NEDD8: variants seen among roughly 807,000 people sequenced by gnomAD.
NEDD8 encodes ubiquitin-like protein NEDD8.
In NEDD8, 1 loss-of-function variant was observed where a neutral mutation model predicts 13.8. The observed-to-expected ratio is 0.07, with a 90% confidence interval of 0.03 to 0.34. The LOEUF is 0.34. Among genes scored for constraint, NEDD8 ranks in the 10% least tolerant of loss-of-function variants. NEDD8 has a pLI of 0.99. For synonymous variants in NEDD8, 31 were observed against 33.2 expected (o/e 0.93, Z 0.23); for missense variants, 10 against 95.2 (o/e 0.10, Z 3.73).
chr14:24,217,943 A>G (rs373481213), intron 3 of NEDD8, 190 bp downstream of exon 3: 6 of 531,324 alleles, frequency 1.1e-5, no homozygotes, highest in Admixed American at 3.5e-5. Flanking sequence ...TTTTCCTTTA[A>G]TTCTATATAT....
At chr14:24,231,130 A>ATCGGCCTGCC (rs1594500144) in intron 1 of NEDD8, among the ~76,000 whole-genome samples, 1 of 151,832 alleles carries the variant, frequency 6.6e-6, no homozygotes, top group Non-Finnish European at 1.5e-5. Flanking sequence ...GGCTCAAGCG[A>ATCGGCCTGCC]TCGGCCTGCC....
intron 1 of NEDD8, 167 bp from the exon 2 acceptor site, chr14:24,218,598 C>G: frequency 1.1e-6 from 1 of 933,464 alleles, no homozygotes; most frequent in Non-Finnish European, 1.6e-6. Context: ...CTTCATTTAT[C>G]AAATATTTTT....
At chr14:24,229,367 G>A (rs559460683) in intron 1 of NEDD8, among the ~76,000 whole-genome samples, 17 of 152,294 alleles carry the variant, frequency 1.1e-4, no homozygotes, top group South Asian at 6.2e-4. Flanking sequence ...CTACAGGTGT[G>A]TGCCACCACA....
chr14:24,225,845 C>A (rs1429620421), intron 1 of NEDD8, among the ~76,000 whole-genome samples: 1 of 151,956 alleles, frequency 6.6e-6, no homozygotes, highest in Admixed American at 6.6e-5. Flanking sequence ...TCGAGGCCAG[C>A]CTGGATAACA....
At chr14:24,225,457 T>C (rs940470099) in intron 1 of NEDD8, among the ~76,000 whole-genome samples, 1 of 152,140 alleles carries the variant, frequency 6.6e-6, no homozygotes, top group East Asian at 1.9e-4. Flanking sequence ...AAGGTTATCT[T>C]TCACAGAAAA....
intron 1 of NEDD8, among the ~76,000 whole-genome samples, chr14:24,223,739 A>AT (rs558821572): frequency 6.4e-4 from 90 of 139,848 alleles, no homozygotes; most frequent in East Asian, 1.0e-3. Flanking sequence ...AAAAAAAAAA[A>AT]TTTTTTTTTT....
rs1190000261 is a variant in NEDD8, at chr14:24,216,875, T to C, written c.*252A>G. 1 of 434,634 alleles carries C rather than the reference T, an allele frequency of 2.3e-6. No individual in the cohort carries two copies. The highest frequency in any genetic ancestry group is 4.2e-6 in the Non-Finnish European group (1 of 239,180). 26.9% of individuals were successfully genotyped at this position (434,634 alleles called of 1,614,324 possible). On this transcript the variant is annotated 3_prime_UTR_variant, in exon 4 of 4. Coordinates refer to ENST00000250495, the MANE Select transcript of NEDD8 (RefSeq NM_006156.3). ...AGAAAGATTCCAGGAGGCCAGGAAA[T>C]ATTTTATTGACAACCAGGGACACAG...
intron 1 of NEDD8, among the ~76,000 whole-genome samples, chr14:24,230,467 G>C (rs1430437148): frequency 7.8e-6 from 1 of 128,096 alleles, no homozygotes; most frequent in South Asian, 2.5e-4. Flanking sequence ...CCCGGGAGGC[G>C]AAGCTTGCAG....
chr14:24,218,025 T>C, intron 3 of NEDD8, 108 bp downstream of exon 3: 3 of 1,435,928 alleles, frequency 2.1e-6, no homozygotes, highest in Middle Eastern at 1.8e-4. Flanking sequence ...CAAAGAGTCT[T>C]AGGCACCAAA....
intron 1 of NEDD8, among the ~76,000 whole-genome samples, chr14:24,219,301 A>C (rs1389545302): frequency 1.3e-5 from 2 of 148,692 alleles, no homozygotes; most frequent in African/African-American, 5.1e-5. Flanking sequence ...GTCTCAACCA[A>C]AACAACAACA....
intron 1 of NEDD8, among the ~76,000 whole-genome samples, chr14:24,222,880 G>A (rs1217867866): frequency 6.6e-6 from 1 of 152,054 alleles, no homozygotes; most frequent in Non-Finnish European, 1.5e-5. Context: ...GAGGTCAGGA[G>A]TTTGAGACCA....
At chr14:24,231,930 C>T (rs539369333) in intron 1 of NEDD8, 16 of 340,338 alleles carry the variant, frequency 4.7e-5, no homozygotes, top group Admixed American at 4.3e-4. Context: ...GGAGTCAAGC[C>T]GCTGCTAGGC....
intron 1 of NEDD8, among the ~76,000 whole-genome samples, chr14:24,230,067 T>A (rs983485261): frequency 2.0e-5 from 3 of 151,312 alleles, no homozygotes; most frequent in Admixed American, 6.6e-5. Context: ...AGACTCCGTC[T>A]CAAATAAAAA....
intron 1 of NEDD8, 39 bp downstream of exon 1, chr14:24,232,211 A>C (rs948300048): frequency 3.1e-6 from 5 of 1,613,894 alleles, no homozygotes; most frequent in Non-Finnish European, 4.2e-6. Flanking sequence ...CTGCCAGCCC[A>C]GTACTACTGC....
At chr14:24,222,408 T>C (rs2039823231) in intron 1 of NEDD8, among the ~76,000 whole-genome samples, 1 of 152,236 alleles carries the variant, frequency 6.6e-6, no homozygotes, top group African/African-American at 2.4e-5. Flanking sequence ...CTTGGAAGGG[T>C]ATATACAGTA....
chr14:24,223,109 T>C (rs1332796918), intron 1 of NEDD8, among the ~76,000 whole-genome samples: 1 of 83,156 alleles, frequency 1.2e-5, no homozygotes, highest in East Asian at 3.1e-4. Flanking sequence ...AAAAAAAAAA[T>C]AGAGATGGTA....
intron 1 of NEDD8, among the ~76,000 whole-genome samples, chr14:24,225,080 T>A (rs921623341): frequency 2.0e-5 from 3 of 147,608 alleles, no homozygotes; most frequent in Admixed American, 7.0e-5. Context: ...AATACAAGAA[T>A]CACTTGAACC....
chr14:24,219,826 T>C (rs987867449), intron 1 of NEDD8, among the ~76,000 whole-genome samples: 1 of 152,118 alleles, frequency 6.6e-6, no homozygotes, highest in Admixed American at 6.6e-5. Flanking sequence ...TTCTCCAAAC[T>C]TCAAGACCCC....
chr14:24,228,023 G>A (rs901057283), intron 1 of NEDD8: 3 of 152,186 alleles, frequency 2.0e-5, no homozygotes, highest in Non-Finnish European at 4.4e-5. Context: ...TTGAGCCTGG[G>A]AGGTGGAGGT....
Sources: allele counts gnomAD v4.1 joint callset (sites outside exome capture counted in the v4.1 genomes callset), GRCh38; gene constraint gnomAD v4.1.1; transcripts MANE v1.5; gene names NCBI Gene and HGNC (gene_info 2026-07-23, HGNC 2026-07-21).